LRP2: variants seen among roughly 807,000 people sequenced by gnomAD.
The protein encoded by LRP2 is LDL receptor related protein 2, also known as low-density lipoprotein receptor-related protein 2.
In LRP2, 172 loss-of-function variants were observed where a neutral mutation model predicts 531.0. The observed-to-expected ratio is 0.32, with a 90% confidence interval of 0.29 to 0.37. The LOEUF is 0.37. Among genes scored for constraint, LRP2 ranks in the 10% least tolerant of loss-of-function variants. LRP2 has a pLI of 1.00. For synonymous variants in LRP2, 1,992 were observed against 2,027.6 expected (o/e 0.98, Z 0.47); for missense variants, 5,167 against 5,868.3 (o/e 0.88, Z 3.90).
In LRP2 at chr2:169,333,500, CGAAG is replaced by C. The variant is rs1395486960; in HGVS notation, c.80-12620_80-12617del. On this transcript the variant is annotated intron_variant, in intron 1 of 78. Transcript: ENST00000649046. ...GGAAGAAAAGGAAGGAAGGAAGGAA[CGAAG>C]GAAGGAAGGAAGGGAGGGAGGGAGG... is the stretch of plus-strand genomic sequence containing the variant. Among the ~76,000 whole-genome samples, 161 of 111,080 alleles carry C rather than the reference CGAAG, an allele frequency of 1.4e-3. 1 individual carries two copies. Among genetic ancestry groups the C allele is most frequent in the African/African-American group, 2.9e-3 (81 of 27,604 alleles). The allele number at this position is 111,080 out of a possible 152,430, so 72.9% of individuals were successfully genotyped here.
intron 3 of LRP2, among the ~76,000 whole-genome samples, chr2:169,317,727 A>G (rs917130259): frequency 6.6e-6 from 1 of 152,226 alleles, no homozygotes; most frequent in Admixed American, 6.5e-5. Flanking sequence ...TACATGTGAT[A>G]GACAAATTGC....
chr2:169,298,610 G>C (rs1684192186), intron 4 of LRP2, among the ~76,000 whole-genome samples: 2 of 152,080 alleles, frequency 1.3e-5, no homozygotes, highest in Admixed American at 1.3e-4. Context: ...AGAAACCCAA[G>C]AGGAAGGGGG....
At chr2:169,280,627 G>A in intron 10 of LRP2, 108 bp from the exon 11 acceptor site, 1 of 1,111,914 alleles carries the variant, frequency 9.0e-7, no homozygotes, top group South Asian at 1.3e-5. Context: ...CTTCTAGGTT[G>A]TCTTACCTGA....
chr2:169,220,340 G>A (rs1688944322), intron 34 of LRP2, 114 bp downstream of exon 34: 4 of 773,858 alleles, frequency 5.2e-6, no homozygotes, highest in East Asian at 5.1e-5. Flanking sequence ...TTTTTCAAAT[G>A]TTGACATATG....
At chr2:169,289,233 G>C (rs927438529) in intron 8 of LRP2, 88 bp from the exon 9 acceptor site, 4 of 1,513,656 alleles carry the variant, frequency 2.6e-6, no homozygotes. Context: ...ATGAGTAGCA[G>C]CTCAGTAAGC....
rs181826205 is a variant in LRP2 at position 169,354,678 on chromosome 2, A to C, written c.79+7643T>G. Among the ~76,000 whole-genome samples, 296 of 152,304 alleles carry C rather than the reference A, an allele frequency of 1.9e-3. 1 individual carries two copies. The highest frequency in any genetic ancestry group is 0.01 in the Middle Eastern group (3 of 294). ...GATAATGTCTCCATTTTCTCAGCTAATGTGATTAGAGATAAGACTTAAATT... is the reference window on the plus strand; with the variant it reads ...GATAATGTCTCCATTTTCTCAGCTACTGTGATTAGAGATAAGACTTAAATT... On this transcript the variant is annotated intron_variant, in intron 1 of 78. Coordinates refer to ENST00000649046, the MANE Select transcript of LRP2 (RefSeq NM_004525.3).
rs1448964804 is a variant in LRP2, at chr2:169,235,974, T to C, written c.4786A>G (p.Lys1596Glu). ...GSMRTVIVQD[K>E]IFWPCGLTID... ...GTTAAGCCGCAGGGCCAGAAGATCTTGTCCTGGACAATGACAGTGCGCATG... is the reference window on the plus strand; with the variant it reads ...GTTAAGCCGCAGGGCCAGAAGATCTCGTCCTGGACAATGACAGTGCGCATG... The change falls in exon 29 of 79, where the codon AAG (lysine) becomes GAG (glutamate). Residue 1596 changes from lysine (K) to glutamate (E), a missense_variant. By Grantham distance (56) the Lys-to-Glu change is moderately conservative (BLOSUM62 1). Transcript: ENST00000649046. 5 of 1,614,112 alleles carry C rather than the reference T, an allele frequency of 3.1e-6. No homozygotes were observed. The highest frequency in any genetic ancestry group is 4.2e-6 in the Non-Finnish European group (5 of 1,180,046).
chr2:169,170,551 C>T lies in LRP2; in HGVS notation c.11380G>A (p.Glu3794Lys), dbSNP rs1282658108. 1 of 1,610,706 alleles carries T rather than the reference C, an allele frequency of 6.2e-7. No homozygotes were observed. Residue 3794 changes from glutamate to lysine, a missense_variant and splice_region_variant, in exon 59 of 79, where the codon GAG becomes AAG. Physicochemically the swap from Glu to Lys is moderately conservative, Grantham distance 56. This residue lies in a region of LRP2 where 564 missense variants were observed against 747.7 expected (regional missense o/e 0.75). Transcript: ENST00000649046. ...GGTAAGCTTCTCAAATGACAGTTAC[C>T]ACAGTCCCGTTCATCTGAGTTGTCC... Reference protein sequence around the residue: ...CGDNSDERDCEMRTCHPEYFQ... With the variant: ...CGDNSDERDCKMRTCHPEYFQ...
chr2:169,295,503 C>A (rs1684112560), intron 4 of LRP2, among the ~76,000 whole-genome samples: 1 of 152,212 alleles, frequency 6.6e-6, no homozygotes, highest in Non-Finnish European at 1.5e-5. Flanking sequence ...ATCTGTCCCT[C>A]CTCTCTACTT....
rs1283881735 is a variant in LRP2 at position 169,192,089 on chromosome 2, T to C, written c.8831-56A>G. Reference sequence around the variant, plus strand: ...CATGAGAGCTCAGTGCAGCAGTTAATTCTCTTTGCTTTAATGTTACTTACC... The same window carrying C: ...CATGAGAGCTCAGTGCAGCAGTTAACTCTCTTTGCTTTAATGTTACTTACC... On this transcript the variant is annotated intron_variant, in intron 47 of 78. Coordinates refer to ENST00000649046, the MANE Select transcript of LRP2 (RefSeq NM_004525.3). 2.2e-6 allele frequency: 3 copies of C among 1,387,736 alleles called. No individual in the cohort carries two copies. The East Asian group carries it at 6.9e-5, about 32-fold the overall frequency. The allele number at this position is 1,387,736 out of a possible 1,614,324, so 86.0% of individuals were successfully genotyped here. A position where few individuals can be genotyped will look rare whatever the true frequency, so the allele number is the denominator to read the frequency against.
chr2:169,240,244 A>G (rs143498228), intron 25 of LRP2, among the ~76,000 whole-genome samples: 91 of 152,346 alleles, frequency 6.0e-4, no homozygotes, highest in African/African-American at 1.9e-3. Context: ...TCATTGAAAT[A>G]TTAGAGTACA....
At chr2:169,151,922 C>G (rs1261746931) in intron 67 of LRP2, among the ~76,000 whole-genome samples, 6 of 152,184 alleles carry the variant, frequency 3.9e-5, no homozygotes, top group Non-Finnish European at 7.3e-5. Flanking sequence ...CTTCCAGGAA[C>G]ACCAGCCACA....
chr2:169,320,570 A>G (rs1323443877), intron 2 of LRP2, among the ~76,000 whole-genome samples: 2 of 152,224 alleles, frequency 1.3e-5, no homozygotes, highest in Non-Finnish European at 2.9e-5. Context: ...TCTATCATCA[A>G]TGTGAATTGA....
chr2:169,172,457 T>A (rs1258951870), intron 57 of LRP2, among the ~76,000 whole-genome samples: 1 of 152,246 alleles, frequency 6.6e-6, no homozygotes, highest in Non-Finnish European at 1.5e-5. Context: ...TCATATTATC[T>A]TCAGTCAATT....
At chr2:169,182,076 G>A in intron 51 of LRP2, 91 bp downstream of exon 51, 1 of 1,516,708 alleles carries the variant, frequency 6.6e-7, no homozygotes, top group East Asian at 2.3e-5. Flanking sequence ...GCAAGACATT[G>A]GCCTTGAGAT....
intron 12 of LRP2, among the ~76,000 whole-genome samples, chr2:169,278,213 A>G (rs184426943): frequency 6.6e-6 from 1 of 152,178 alleles, no homozygotes; most frequent in Non-Finnish European, 1.5e-5. Flanking sequence ...AGCCAGGCAC[A>G]GTGGTTCATG....
Position 169,146,827 on chromosome 2 carries a change from A to G in LRP2, c.12723T>C (p.Asn4241=). The change falls in exon 69 of 79, where the codon AAT becomes AAC. Residue 4241 remains asparagine, a synonymous_variant. Transcript: ENST00000649046. ...PTGLSIDYLN[N]DRIYWSDFKE... ...TGAAGTCACTCCAGTAGATTCGGTC[A>G]TTGTTCAAATAATCGATAGAAAGGC... The G allele has an allele frequency of 6.2e-7, 1 of 1,614,206 alleles. No individual in the cohort carries two copies. Among genetic ancestry groups the G allele is most frequent in the Non-Finnish European group, 8.5e-7 (1 of 1,180,022 alleles).
rs187839788 is a variant in LRP2 at position 169,140,391 on chromosome 2, T to C, written c.13199+64A>G. On this transcript the variant is annotated intron_variant, in intron 72 of 78. Transcript: ENST00000649046. ...CCTGTATTTGTTTTCCTGGCTACTT[T>C]AAGGTCTCAAATTTCCCCAGAAGAG... 21 of 1,290,254 alleles carry C rather than the reference T, an allele frequency of 1.6e-5. No homozygotes were observed. In the East Asian group the frequency reaches 3.5e-4, roughly 21 times the overall value. 79.9% of individuals were successfully genotyped at this position (1,290,254 alleles called of 1,614,324 possible).
intron 1 of LRP2, among the ~76,000 whole-genome samples, chr2:169,338,053 G>C (rs1450534980): frequency 1.3e-5 from 2 of 151,918 alleles, no homozygotes; most frequent in East Asian, 3.9e-4. Flanking sequence ...GCTACAGTGA[G>C]CTATGATCAT....
Sources: allele counts gnomAD v4.1 joint callset (sites outside exome capture counted in the v4.1 genomes callset), GRCh38; gene constraint gnomAD v4.1.1; regional missense constraint gnomAD v4.1.1; transcripts MANE v1.5; gene names NCBI Gene and HGNC (gene_info 2026-07-23, HGNC 2026-07-21).